FRYL: variants seen among roughly 807,000 people sequenced by gnomAD.
The protein encoded by FRYL is FRY like transcription coactivator, also known as protein furry homolog-like.
Under a neutral mutation model 351.2 loss-of-function variants are expected in FRYL, and 150 were observed. That is an observed-to-expected ratio of 0.43 (90% confidence interval 0.37 to 0.49). The LOEUF is 0.49. FRYL is among the 20% of genes least tolerant of loss of function. The probability of loss-of-function intolerance (pLI) is 0.00; values close to 1 mark genes in which losing one functional copy is unlikely to be tolerated. For missense variants in FRYL, 3,036 were observed against 3,619.3 expected, an observed-to-expected ratio of 0.84 and a Z score of 4.13; for synonymous variants, 1,153 against 1,257.1, an observed-to-expected ratio of 0.92 and a Z score of 1.75.
At chr4:48,666,758 T>A (rs1009739021) in intron 3 of FRYL, among the ~76,000 whole-genome samples, 2 of 152,120 alleles carry the variant, frequency 1.3e-5, no homozygotes, top group African/African-American at 2.4e-5. Context: ...AGTTTTTTTT[T>A]AAAGTTTCTT....
rs187513383 is a variant in FRYL, at chr4:48,678,010, C to T, written c.-81+6663G>A. Among the ~76,000 whole-genome samples, 14 of 152,226 alleles carry T rather than the reference C, an allele frequency of 9.2e-5. No individual in the cohort carries two copies. The East Asian group carries it at 2.3e-3, about 25-fold the overall frequency. On this transcript the variant is annotated intron_variant, in intron 3 of 63. Transcript: ENST00000358350. Reference sequence around the variant, plus strand: ...GAAGTAAGATTCACTTATGTTGAGACGCAAGTAACCTATGTGTACATTGGT... The same window carrying T: ...GAAGTAAGATTCACTTATGTTGAGATGCAAGTAACCTATGTGTACATTGGT...
Position 48,549,395 on chromosome 4 carries a change from G to T in FRYL, c.4784+78C>A. Reference sequence around the variant, plus strand: ...AAGAAGATTGCTTTCATTCTGTGTTGTCAGATAGCACAAAGAAAGCCGACA... The same window carrying T: ...AAGAAGATTGCTTTCATTCTGTGTTTTCAGATAGCACAAAGAAAGCCGACA... On this transcript the variant is annotated intron_variant, in intron 39 of 63. Coordinates refer to ENST00000358350, the MANE Select transcript of FRYL (RefSeq NM_015030.2). The surrounding 1 kb of genome is among the most constrained non-coding windows in gnomAD (Gnocchi z 4.2). 1 of 1,318,548 alleles carries T rather than the reference G, an allele frequency of 7.6e-7. No homozygotes were observed. The highest frequency in any genetic ancestry group is 1.0e-6 in the Non-Finnish European group (1 of 961,626). 81.7% of individuals were successfully genotyped at this position (1,318,548 alleles called of 1,614,324 possible). A position where few individuals can be genotyped will look rare whatever the true frequency, so the allele number is the denominator to read the frequency against.
At chr4:48,500,648 A>C (rs1301342358) in intron 62 of FRYL, among the ~76,000 whole-genome samples, 2 of 152,228 alleles carry the variant, frequency 1.3e-5, no homozygotes, top group Non-Finnish European at 2.9e-5. Flanking sequence ...TAAGAAATTA[A>C]ATCATTTCCC....
rs144175157 is a variant in FRYL at position 48,708,462 on chromosome 4, T to TAAAC, written c.-204+2053_-204+2056dup. On this transcript the variant is annotated intron_variant, in intron 2 of 63. Transcript: ENST00000358350. ...AGCCTGGGTGACAGTGAGACTATCT[T>TAAAC]AAACAAACAAACAAACACTGCGTAC... 6.6e-3 allele frequency among the ~76,000 whole-genome samples: 998 copies of TAAAC among 152,098 alleles called. 3 individuals carry two copies. The highest frequency in any genetic ancestry group is 0.012 in the African/African-American group (501 of 41,496).
intron 3 of FRYL, among the ~76,000 whole-genome samples, chr4:48,674,082 ATT>A (rs1288067870): frequency 6.6e-6 from 1 of 152,306 alleles, no homozygotes; most frequent in East Asian, 1.9e-4. Flanking sequence ...GTTAAAATAT[ATT>A]TTTTGTTACA....
chr4:48,632,657 A>G (rs1753470291), intron 4 of FRYL, among the ~76,000 whole-genome samples: 1 of 151,946 alleles, frequency 6.6e-6, no homozygotes, highest in South Asian at 2.1e-4. Context: ...CAATCATGGG[A>G]TGATTTAAAC....
intron 3 of FRYL, among the ~76,000 whole-genome samples, chr4:48,654,561 T>C (rs1321692734): frequency 3.3e-5 from 5 of 152,150 alleles, no homozygotes; most frequent in Non-Finnish European, 7.4e-5. Context: ...CCTCTAAAAC[T>C]GCTCAGCTCA....
At chr4:48,500,859 G>A (rs1719439495) in intron 62 of FRYL, among the ~76,000 whole-genome samples, 1 of 152,102 alleles carries the variant, frequency 6.6e-6, no homozygotes, top group African/African-American at 2.4e-5. Flanking sequence ...CCAAGGCAGT[G>A]GGTCACCTGA....
chr4:48,688,658 A>ATTTTTTT (rs11355390), intron 2 of FRYL, among the ~76,000 whole-genome samples: 1 of 86,466 alleles, frequency 1.2e-5, no homozygotes, highest in African/African-American at 4.4e-5. Flanking sequence ...CTCTTAGTCA[A>ATTTTTTT]TTTTTTTTTT....
At chr4:48,656,206 A>C (rs1758925893) in intron 3 of FRYL, among the ~76,000 whole-genome samples, 1 of 134,120 alleles carries the variant, frequency 7.5e-6, no homozygotes, top group African/African-American at 2.7e-5. Flanking sequence ...TATATACATG[A>C]TTATTCATTA....
At chr4:48,717,833 G>A (rs560192586) in intron 1 of FRYL, among the ~76,000 whole-genome samples, 4 of 151,530 alleles carry the variant, frequency 2.6e-5, no homozygotes, top group Admixed American at 1.3e-4. Context: ...GAGCTATCAC[G>A]CATGGCCTTA....
At position 48,716,448 on chromosome 4, in the gene FRYL, G is replaced by A. The variant is rs750949631; in HGVS notation, c.-383-5750C>T. 7.3e-5 allele frequency among the ~76,000 whole-genome samples: 11 copies of A among 151,468 alleles called. 1 individual carries two copies. In the East Asian group the frequency reaches 7.8e-4, roughly 11 times the overall value. On this transcript the variant is annotated intron_variant, in intron 1 of 63. Transcript: ENST00000358350. ...TTACAAGAAAAAAACAAACAACCCC[G>A]TCAGAAAGTGGGCGAAGGACATGAA...
In FRYL at chr4:48,590,825, C is replaced by A; in HGVS notation, c.1341G>T (p.Met447Ile). The part of the protein sequence containing the change: ...TKTFTINPER[M>I]NIGLRVFLVI... ...CAAGGAAGACTCTGAGACCTATGTTCATTCTCTTCAAAGGAAAAAAATGCA... is the reference window on the plus strand; with the variant it reads ...CAAGGAAGACTCTGAGACCTATGTTAATTCTCTTCAAAGGAAAAAAATGCA... Residue 447 changes from methionine (M) to isoleucine (I), a missense_variant, in exon 17 of 64, where the codon ATG becomes ATT. Physicochemically the swap from Met to Ile is conservative, Grantham distance 10. This residue lies in a region of FRYL where 457 missense variants were observed against 566.6 expected (regional missense o/e 0.81). Coordinates refer to ENST00000358350, the MANE Select transcript of FRYL (RefSeq NM_015030.2). 1 of 1,600,740 alleles carries A rather than the reference C, an allele frequency of 6.2e-7. No homozygotes were observed. The highest frequency in any genetic ancestry group is 1.1e-5 in the South Asian group (1 of 87,670).
chr4:48,567,856 G>T lies in FRYL; in HGVS notation c.2997-436C>A, dbSNP rs562692396. On this transcript the variant is annotated intron_variant, in intron 27 of 63. Coordinates refer to ENST00000358350, the MANE Select transcript of FRYL (RefSeq NM_015030.2). This position sits in a 1 kb window ranked among gnomAD's most constrained non-coding sequence, Gnocchi z 4.2. The stretch of plus-strand genomic sequence containing the variant: ...TAATTAAATATCTATTAGTCACTTA[G>T]TAACATTCTGGGATAGGTATTATCA... Among the ~76,000 whole-genome samples, 7 of 152,228 alleles carry T rather than the reference G, an allele frequency of 4.6e-5. No homozygotes were observed. Among genetic ancestry groups the T allele is most frequent in the Admixed American group, 3.3e-4 (5 of 15,282 alleles).
chr4:48,744,100 T>G (rs541195001), intron 1 of FRYL, among the ~76,000 whole-genome samples: 23 of 152,180 alleles, frequency 1.5e-4, no homozygotes, highest in East Asian at 1.2e-3. Context: ...TTACTAAGAA[T>G]GTTAAGAAAG....
At chr4:48,712,742 G>C (rs903333083) in intron 1 of FRYL, among the ~76,000 whole-genome samples, 1 of 152,142 alleles carries the variant, frequency 6.6e-6, no homozygotes. Context: ...TCCTCGAGAA[G>C]AGCAACTCCA....
At chr4:48,746,416 G>T (rs1257891435) in intron 1 of FRYL, among the ~76,000 whole-genome samples, 1 of 151,890 alleles carries the variant, frequency 6.6e-6, no homozygotes, top group African/African-American at 2.4e-5. Context: ...ATGGTGGCGG[G>T]TGCCTGTATT....
intron 3 of FRYL, among the ~76,000 whole-genome samples, chr4:48,654,372 C>G (rs911115909): frequency 6.6e-6 from 1 of 151,618 alleles, no homozygotes; most frequent in African/African-American, 2.4e-5. Context: ...TCAGTTTCCT[C>G]TAGGTTATTT....
chr4:48,501,247 G>C (rs561060229), intron 62 of FRYL, among the ~76,000 whole-genome samples: 2 of 152,122 alleles, frequency 1.3e-5, no homozygotes, highest in African/African-American at 2.4e-5. Context: ...CTGGAGTGCA[G>C]TGCTGCAATC....
Sources: gnomAD v4.1 joint callset for allele counts (sites outside exome capture counted in the v4.1 genomes callset) on GRCh38, gnomAD v4.1.1 for gene constraint, gnomAD v4.1.1 regional missense constraint, Gnocchi (gnomAD v3.1) non-coding constraint, MANE v1.5 for transcripts, NCBI Gene and HGNC (gene_info 2026-07-23, HGNC 2026-07-21) for gene names.